Variants in PSEN2 observed in about 807,000 individuals in gnomAD.
The protein encoded by PSEN2 is presenilin 2.
PSEN2 carries 32 observed loss-of-function variants against 49.1 expected under a neutral mutation model. That is an observed-to-expected ratio of 0.65 (90% CI 0.49 to 0.88). The LOEUF (loss-of-function observed/expected upper bound fraction) is 0.88, where lower values mean the gene tolerates loss of function less well. Among genes scored for constraint, PSEN2 ranks in the 40% least tolerant of loss-of-function variants. The pLI is 0.00. For missense variants in PSEN2, 522 were observed against 586.9 expected (o/e 0.89, Z 1.14); for synonymous variants, 255 against 244.0 (o/e 1.05, Z -0.42).
At chr1:226,885,127 C>T (rs924966566) in intron 5 of PSEN2, among the ~76,000 whole-genome samples, 23 of 136,606 alleles carry the variant, frequency 1.7e-4, no homozygotes, top group African/African-American at 5.7e-4. Context: ...GTTGCTTCAG[C>T]GGATGGGGGT....
In PSEN2 at chr1:226,891,883, G is replaced by T. The variant is rs202106330; in HGVS notation, c.1072+39G>T. On this transcript the variant is annotated intron_variant, in intron 11 of 12. Transcript: ENST00000366783. Reference sequence around the variant, plus strand: ...GTTCACACGGCCTGCTTCAGCCTACGGCGGGAGCGGAGACAGAGGGTGGAG... The same window carrying T: ...GTTCACACGGCCTGCTTCAGCCTACTGCGGGAGCGGAGACAGAGGGTGGAG... 1.9e-6 allele frequency: 3 copies of T among 1,584,354 alleles called. No individual in the cohort carries two copies. In the Admixed American group the frequency reaches 5.0e-5, roughly 26 times the overall value.
rs533813519 is a variant in PSEN2, at chr1:226,888,097, C to A, written c.505C>A (p.His169Asn). Residue 169 changes from histidine to asparagine, a missense_variant, in exon 7 of 13, where the codon CAT becomes AAT. Transcript: ENST00000366783. ...TGCAATTTCTGTTGTCTAGTTCATCCATGGCTGGTTGATCATGTCTTCACT... is the reference window on the plus strand; with the variant it reads ...TGCAATTTCTGTTGTCTAGTTCATCAATGGCTGGTTGATCATGTCTTCACT... ...LYKYRCYKFI[H>N]GWLIMSSLML... 4.4e-5 allele frequency: 71 copies of A among 1,613,474 alleles called. 1 individual carries two copies. In the East Asian group the frequency reaches 1.6e-3, roughly 35 times the overall value.
chr1:226,883,961 GAGTT>G, intron 5 of PSEN2, 42 bp downstream of exon 5: 2 of 1,027,604 alleles, frequency 1.9e-6, no homozygotes, highest in Non-Finnish European at 1.4e-6. Flanking sequence ...GGTGAGGGCT[GAGTT>G]GCCAGGGGGT....
downstream of PSEN2, chr1:226,899,182 G>A (rs1662237704): frequency 6.6e-6 from 1 of 152,044 alleles, no homozygotes; most frequent in South Asian, 2.1e-4. Flanking sequence ...ATTGAATCTT[G>A]TTTTAAGAGA....
intron 3 of PSEN2, among the ~76,000 whole-genome samples, chr1:226,877,369 C>G (rs1276641723): frequency 1.3e-5 from 2 of 152,218 alleles, no homozygotes; most frequent in Admixed American, 1.3e-4. Flanking sequence ...TCTGTTTCCT[C>G]ATCAGTACCA....
chr1:226,886,518 G>A (rs1040606597), intron 6 of PSEN2, among the ~76,000 whole-genome samples: 3 of 152,208 alleles, frequency 2.0e-5, no homozygotes, highest in African/African-American at 4.8e-5. Context: ...TTTAGACAGC[G>A]GCTTCAGGCT....
At chr1:226,881,421 G>A (rs1372079081) in intron 3 of PSEN2, among the ~76,000 whole-genome samples, 1 of 152,108 alleles carries the variant, frequency 6.6e-6, no homozygotes, top group Non-Finnish European at 1.5e-5. Flanking sequence ...CTGAGATTTG[G>A]TTCCACTTTT....
chr1:226,891,607 T>A, intron 10 of PSEN2, 136 bp from the exon 11 acceptor site: 1 of 843,876 alleles, frequency 1.2e-6, no homozygotes, highest in South Asian at 1.4e-5. Context: ...GAAGCCCTGG[T>A]GTCAGGTGCT....
chr1:226,896,791 G>A (rs1014901483), downstream of PSEN2, among the ~76,000 whole-genome samples: 1 of 152,104 alleles, frequency 6.6e-6, no homozygotes, highest in Non-Finnish European at 1.5e-5. Flanking sequence ...AGCCCAGGAG[G>A]CTGAGGCTGC....
At position 226,883,763 on chromosome 1, in the gene PSEN2, G is replaced by A; in HGVS notation, c.200G>A (p.Gly67Glu). ...GACCCTGACCGCTATGTCTGTAGTG[G>A]GGTTCCCGGGCGGCCGCCAGGCCTG... ...EEDPDRYVCS[G>E]VPGRPPGLEE... is the part of the protein sequence containing the mutation. Residue 67 changes from glycine (G) to glutamate (E), a missense_variant, in exon 5 of 13, where the codon GGG becomes GAG. Coordinates refer to ENST00000366783, the MANE Select transcript of PSEN2 (RefSeq NM_000447.3). 3.7e-6 allele frequency: 6 copies of A among 1,614,176 alleles called. No homozygotes were observed. The highest frequency in any genetic ancestry group is 5.1e-6 in the Non-Finnish European group (6 of 1,180,030).
downstream of PSEN2, among the ~76,000 whole-genome samples, chr1:226,901,434 CAAA>C (rs71179182): frequency 1.7e-4 from 20 of 117,710 alleles, no homozygotes; most frequent in East Asian, 2.3e-4. Context: ...GAAACTGTCT[CAAA>C]AAAAAAAAAA....
Position 226,885,013 on chromosome 1 carries a change from T to C in PSEN2, c.357-525T>C, listed in dbSNP as rs529798877. Among the ~76,000 whole-genome samples, 4 of 152,280 alleles carry C rather than the reference T, an allele frequency of 2.6e-5. No homozygotes were observed. The South Asian group carries it at 8.3e-4, about 32-fold the overall frequency. On this transcript the variant is annotated intron_variant, in intron 5 of 12. Transcript: ENST00000366783. The stretch of plus-strand genomic sequence containing the variant: ...AGAACAGGTGAAAGCATGGAGAGAA[T>C]GCAGCCAGCGGTTTGTTTGCAGCAG...
At chr1:226,894,631 A>G (rs1449303903) in intron 12 of PSEN2, among the ~76,000 whole-genome samples, 3 of 152,198 alleles carry the variant, frequency 2.0e-5, no homozygotes, top group Non-Finnish European at 4.4e-5. Context: ...GAGGCCCTGT[A>G]GTCAGTTAAC....
intron 4 of PSEN2, 32 bp from the exon 5 acceptor site, chr1:226,883,673 T>C (rs1407968768): frequency 6.2e-7 from 1 of 1,603,612 alleles, no homozygotes; most frequent in Non-Finnish European, 8.5e-7. Context: ...GTGGGGGACA[T>C]TCTGCGGCCC....
At chr1:226,892,861 A>G (rs112009316) in intron 11 of PSEN2, among the ~76,000 whole-genome samples, 1 of 152,190 alleles carries the variant, frequency 6.6e-6, no homozygotes, top group African/African-American at 2.4e-5. Flanking sequence ...TGACCCCCTT[A>G]GGTTCAATAA....
chr1:226,890,180 G>A, intron 9 of PSEN2, 47 bp downstream of exon 9: 1 of 1,481,118 alleles, frequency 6.8e-7, no homozygotes, highest in Non-Finnish European at 9.4e-7. Flanking sequence ...TCAGCAGGCA[G>A]CCTGTGGGGG....
intron 11 of PSEN2, 81 bp downstream of exon 11, chr1:226,891,925 G>A: frequency 1.5e-6 from 2 of 1,305,006 alleles, no homozygotes; most frequent in South Asian, 1.2e-5. Context: ...TGCAGCCTGG[G>A]TGGAGGAGGG....
At chr1:226,903,101 T>G (rs1467153008) in intron 12 of PSEN2, among the ~76,000 whole-genome samples, 1 of 151,732 alleles carries the variant, frequency 6.6e-6, no homozygotes, top group African/African-American at 2.4e-5. Context: ...CTGAGTTTTT[T>G]TCTTTCATTT....
At chr1:226,882,132 C>T in intron 4 of PSEN2, 84 bp downstream of exon 4, 6 of 1,549,330 alleles carry the variant, frequency 3.9e-6, no homozygotes, top group Admixed American at 3.7e-5. Context: ...CATTCATTCC[C>T]TGATGCGGGA....
Sources: gnomAD v4.1 joint callset for allele counts (sites outside exome capture counted in the v4.1 genomes callset) on GRCh38, gnomAD v4.1.1 for gene constraint, MANE v1.5 for transcripts, NCBI Gene and HGNC (gene_info 2026-07-23, HGNC 2026-07-21) for gene names.